Variants in RELN observed in about 807,000 individuals in gnomAD.
The protein encoded by RELN is reelin.
A neutral mutation model predicts 427.6 loss-of-function variants in RELN; 108 were observed. The ratio of observed to expected loss-of-function variants is 0.25; its 90% CI spans 0.22 to 0.30. The LOEUF (loss-of-function observed/expected upper bound fraction) is 0.30, where lower values mean the gene tolerates loss of function less well. Among genes scored for constraint, RELN ranks in the 10% least tolerant of loss-of-function variants. The probability of loss-of-function intolerance (pLI) is 1.00; values close to 1 mark genes in which losing one functional copy is unlikely to be tolerated. For synonymous variants in RELN, 1,524 were observed against 1,513.4 expected (o/e 1.01, Z -0.16); for missense variants, 3,715 against 4,302.8 (o/e 0.86, Z 3.82).
At chr7:103,565,640 A>G in intron 33 of RELN, 89 bp from the exon 34 acceptor site, 1 of 1,299,792 alleles carries the variant, frequency 7.7e-7, no homozygotes, top group East Asian at 2.5e-5. Context: ...TTCAATAGCA[A>G]ACAAAAATCA....
intron 2 of RELN, among the ~76,000 whole-genome samples, chr7:103,861,379 G>T (rs977995270): frequency 7.2e-5 from 11 of 152,184 alleles, no homozygotes; most frequent in African/African-American, 2.7e-4. Context: ...AAGGGAAGAG[G>T]TGGGACTTCA....
intron 1 of RELN, among the ~76,000 whole-genome samples, chr7:103,959,829 G>A (rs1316579587): frequency 6.6e-6 from 1 of 151,826 alleles, no homozygotes; most frequent in African/African-American, 2.4e-5. Context: ...CCAACTCCAA[G>A]GCTCAAGCGA....
chr7:103,535,290 T>C, intron 46 of RELN, 26 bp downstream of exon 46: 6 of 1,610,854 alleles, frequency 3.7e-6, no homozygotes, highest in Non-Finnish European at 4.2e-6. Flanking sequence ...TAGAAGCATG[T>C]GGTGAACATG....
At chr7:103,473,663 A>G (rs1827934444) in intron 64 of RELN, among the ~76,000 whole-genome samples, 2 of 152,194 alleles carry the variant, frequency 1.3e-5, no homozygotes, top group African/African-American at 4.8e-5. Flanking sequence ...TGAAGCTGAT[A>G]AAAATACTGA....
In RELN at chr7:103,603,316, C is replaced by T. The variant is rs1410752969; in HGVS notation, c.3321G>A (p.Leu1107=). 6.2e-7 allele frequency: 1 copy of T among 1,613,732 alleles called. No individual in the cohort carries two copies. Among genetic ancestry groups the T allele is most frequent in the Non-Finnish European group, 8.5e-7 (1 of 1,179,700 alleles). Residue 1107 remains leucine (L), a synonymous_variant, in exon 24 of 65, where the codon CTG becomes CTA. Coordinates refer to ENST00000428762, the MANE Select transcript of RELN (RefSeq NM_005045.4). This position sits in a 1 kb window ranked among gnomAD's most constrained non-coding sequence, Gnocchi z 4.3. ...GCGVISSGSS[L]YFSKAGKRQL... ...CTGTTGGTCATACCTTGCTGAAGTA[C>T]AGAGATGATCCAGAAGAGATGACAC...
chr7:103,783,292 T>G (rs1791940526), intron 3 of RELN, among the ~76,000 whole-genome samples: 4 of 151,786 alleles, frequency 2.6e-5, no homozygotes, highest in Non-Finnish European at 4.4e-5. Context: ...GTACAGTGCA[T>G]TCTAATTTGG....
intron 8 of RELN, among the ~76,000 whole-genome samples, chr7:103,713,317 T>C (rs1208850704): frequency 6.6e-6 from 1 of 152,216 alleles, no homozygotes; most frequent in Non-Finnish European, 1.5e-5. Flanking sequence ...CATAAAGTTA[T>C]AGAATGGATG....
intron 1 of RELN, among the ~76,000 whole-genome samples, chr7:103,918,352 G>A (rs1795534925): frequency 6.6e-6 from 1 of 152,090 alleles, no homozygotes; most frequent in Admixed American, 6.6e-5. Context: ...TCATTCAATT[G>A]TCAAAACATA....
At chr7:103,752,468 G>A (rs1426338665) in intron 5 of RELN, among the ~76,000 whole-genome samples, 1 of 152,034 alleles carries the variant, frequency 6.6e-6, no homozygotes, top group African/African-American at 2.4e-5. Context: ...GGAGGACAGT[G>A]TCACAATCAT....
intron 2 of RELN, among the ~76,000 whole-genome samples, chr7:103,852,363 G>A (rs1480133944): frequency 6.6e-6 from 1 of 152,068 alleles, no homozygotes; most frequent in Non-Finnish European, 1.5e-5. Flanking sequence ...AAAGATTGTG[G>A]AGACAAATTA....
chr7:103,803,415 A>G (rs1298804683), intron 3 of RELN, among the ~76,000 whole-genome samples: 1 of 152,024 alleles, frequency 6.6e-6, no homozygotes, highest in Non-Finnish European at 1.5e-5. Flanking sequence ...TTCTTTCCTT[A>G]TATAATAAAC....
rs953169004 is a variant in RELN at position 103,687,758 on chromosome 7, C to CAAAT, written c.1144-5501_1144-5498dup. On this transcript the variant is annotated intron_variant, in intron 10 of 64. Coordinates refer to ENST00000428762, the MANE Select transcript of RELN (RefSeq NM_005045.4). ...GTGATTGAATGTGTCAGCCTCAGAC[C>CAAAT]AAATAAATAAATAAATAAGGCAAAA... 7.2e-5 allele frequency among the ~76,000 whole-genome samples: 11 copies of CAAAT among 151,900 alleles called. No homozygotes were observed. The East Asian group carries it at 1.9e-3, about 27-fold the overall frequency.
At chr7:103,870,854 GTCC>G (rs1433733647) in intron 2 of RELN, among the ~76,000 whole-genome samples, 41 of 152,278 alleles carry the variant, frequency 2.7e-4, no homozygotes, top group Non-Finnish European at 1.2e-4. Context: ...GACTTCTGCA[GTCC>G]TCCTGCTGAG....
In RELN at chr7:103,636,284, C is replaced by A. The variant is rs376412270; in HGVS notation, c.2254G>T (p.Asp752Tyr). The change falls in exon 18 of 65, where the codon GAT becomes TAT. Residue 752 changes from aspartate (D) to tyrosine (Y), a missense_variant. Coordinates refer to ENST00000428762, the MANE Select transcript of RELN (RefSeq NM_005045.4). ...GATGTAATTAGCTGACGCCGCCCAT[C>A]TTTGTTGAAAACCAGGGCCTTACCA... is the stretch of plus-strand genomic sequence containing the variant. ...ASGKALVFNK[D>Y]GRRQLITSFL... 2 of 1,613,928 alleles carry A rather than the reference C, an allele frequency of 1.2e-6. No homozygotes were observed. The highest frequency in any genetic ancestry group is 1.7e-5 in the Admixed American group (1 of 59,992).
chr7:103,632,937 C>T (rs192658049), intron 19 of RELN, among the ~76,000 whole-genome samples: 9 of 152,014 alleles, frequency 5.9e-5, no homozygotes, highest in African/African-American at 2.2e-4. Flanking sequence ...AGAGTAAAAA[C>T]AAGCCCTATA....
At chr7:103,714,540 G>A (rs1401758951) in intron 8 of RELN, among the ~76,000 whole-genome samples, 4 of 152,180 alleles carry the variant, frequency 2.6e-5, no homozygotes, top group Non-Finnish European at 4.4e-5. Context: ...TGTCCCTGAC[G>A]TCTGACAGTG....
At chr7:103,596,717 G>T in intron 24 of RELN, 56 bp from the exon 25 acceptor site, 1 of 1,470,518 alleles carries the variant, frequency 6.8e-7, no homozygotes, top group Non-Finnish European at 9.5e-7. Flanking sequence ...TTGGCATTTT[G>T]TTGTTTCAGT....
At chr7:103,820,387 T>C (rs986278724) in intron 3 of RELN, among the ~76,000 whole-genome samples, 1 of 152,022 alleles carries the variant, frequency 6.6e-6, no homozygotes, top group African/African-American at 2.4e-5. Flanking sequence ...TCCCTTAAAT[T>C]CCTCTTTTGA....
chr7:103,851,684 C>A (rs1793825732), intron 2 of RELN, among the ~76,000 whole-genome samples: 1 of 152,192 alleles, frequency 6.6e-6, no homozygotes, highest in South Asian at 2.1e-4. Flanking sequence ...CTTCAGTCAA[C>A]TTCCTGTAGG....
Sources: allele counts gnomAD v4.1 joint callset (sites outside exome capture counted in the v4.1 genomes callset), GRCh38; gene constraint gnomAD v4.1.1; non-coding constraint Gnocchi (gnomAD v3.1); transcripts MANE v1.5; gene names NCBI Gene and HGNC (gene_info 2026-07-23, HGNC 2026-07-21).